The following UBTD2 variants were observed in gnomAD, a reference collection of about 807,000 sequenced individuals.
The protein encoded by UBTD2 is ubiquitin domain containing 2.
Under a neutral mutation model 19.8 loss-of-function variants are expected in UBTD2, and 9 were observed. That is an observed-to-expected ratio of 0.46 (90% CI 0.27 to 0.79). UBTD2 has a LOEUF of 0.79. Among genes scored for constraint, UBTD2 ranks in the 30% least tolerant of loss-of-function variants. UBTD2 has a pLI of 0.14. For synonymous variants in UBTD2, 98 were observed against 103.9 expected (o/e 0.94, Z 0.35); for missense variants, 250 against 300.4 (o/e 0.83, Z 1.24).
chr5:172,270,870 C>T (rs1755475659), intron 1 of UBTD2, among the ~76,000 whole-genome samples: 1 of 152,080 alleles, frequency 6.6e-6, no homozygotes, highest in Non-Finnish European at 1.5e-5. Context: ...GGGAATTAGT[C>T]TGTTAGAAGC....
intron 2 of UBTD2, among the ~76,000 whole-genome samples, chr5:172,216,900 AG>A (rs1771553785): frequency 6.6e-6 from 1 of 152,114 alleles, no homozygotes; most frequent in African/African-American, 2.4e-5. Flanking sequence ...CGGGAGGTCA[AG>A]GGTGCAGTGA....
Position 172,270,405 on chromosome 5 carries a change from CG to C in UBTD2, c.70+13190del, listed in dbSNP as rs1253904031. Among the ~76,000 whole-genome samples the C allele has an allele frequency of 1.4e-4, 20 of 140,370 alleles. 1 individual carries two copies. Among genetic ancestry groups the C allele is most frequent in the Non-Finnish European group, 2.7e-4 (18 of 66,128 alleles). 92.1% of individuals were successfully genotyped at this position (140,370 alleles called of 152,430 possible). On this transcript the variant is annotated intron_variant, in intron 1 of 2. Transcript: ENST00000393792. Reference sequence around the variant, plus strand: ...GGAGTTTCGCTCTTGTTGCCCAGGCCGGAGTGCAATGGTGCGATCTCGGCTC... The same window carrying C: ...GGAGTTTCGCTCTTGTTGCCCAGGCCGAGTGCAATGGTGCGATCTCGGCTC...
intron 1 of UBTD2, among the ~76,000 whole-genome samples, chr5:172,247,945 A>C (rs898142916): frequency 6.6e-6 from 1 of 152,216 alleles, no homozygotes; most frequent in African/African-American, 2.4e-5. Flanking sequence ...ACAAGTCTCA[A>C]TAAACTTTAA....
chr5:172,257,077 TTA>T (rs1239877400), intron 1 of UBTD2, among the ~76,000 whole-genome samples: 1 of 152,186 alleles, frequency 6.6e-6, no homozygotes, highest in Non-Finnish European at 1.5e-5. Context: ...GTACAAATTA[TTA>T]TGTCACCCAG....
chr5:172,212,250 T>A, intron 2 of UBTD2, 23 bp from the exon 3 acceptor site: 1 of 1,561,392 alleles, frequency 6.4e-7, no homozygotes, highest in South Asian at 1.2e-5. Flanking sequence ...AAGATATGAA[T>A]AAGAACTTAA....
chr5:172,256,303 C>T (rs2113083434), intron 1 of UBTD2, among the ~76,000 whole-genome samples: 1 of 152,250 alleles, frequency 6.6e-6, no homozygotes, highest in East Asian at 1.9e-4. Flanking sequence ...GCCCCCAACA[C>T]ACACACACCT....
chr5:172,276,280 T>C (rs1755601555), intron 1 of UBTD2, among the ~76,000 whole-genome samples: 1 of 152,198 alleles, frequency 6.6e-6, no homozygotes, highest in South Asian at 2.1e-4. Context: ...TGAATGATAT[T>C]TAGCAGTCAG....
intron 1 of UBTD2, among the ~76,000 whole-genome samples, chr5:172,272,728 G>A (rs1448671541): frequency 1.3e-5 from 2 of 152,166 alleles, no homozygotes; most frequent in Non-Finnish European, 2.9e-5. Flanking sequence ...TACTGCCAAA[G>A]CTTTGCATAT....
chr5:172,255,623 C>T (rs997578981), intron 1 of UBTD2, among the ~76,000 whole-genome samples: 5 of 152,112 alleles, frequency 3.3e-5, no homozygotes, highest in African/African-American at 4.8e-5. Context: ...GCTCTCCCTG[C>T]GTTCCGGCTG....
rs772648011 is a variant in UBTD2, at chr5:172,234,230, G to A, written c.199C>T (p.Arg67Trp). The A allele has an allele frequency of 9.9e-6, 16 of 1,613,944 alleles. No individual in the cohort carries two copies. Among genetic ancestry groups the A allele is most frequent in the Non-Finnish European group, 1.2e-5 (14 of 1,180,028 alleles). Residue 67 changes from arginine to tryptophan, a missense_variant, in exon 2 of 3, where the codon CGG (arginine) becomes TGG (tryptophan). Arg to Trp is a moderately radical substitution (Grantham distance 101, BLOSUM62 -3). Transcript: ENST00000393792. Reference sequence around the variant, plus strand: ...TTCAAGGCATCCCAAATCTCTTTCCGGCCTTCAAAAGCTGGTGCTGTATCC... The same window carrying A: ...TTCAAGGCATCCCAAATCTCTTTCCAGCCTTCAAAAGCTGGTGCTGTATCC... ...FWDTAPAFEG[R>W]KEIWDALKAA...
At chr5:172,222,878 C>A (rs144026082) in intron 2 of UBTD2, among the ~76,000 whole-genome samples, 1 of 152,132 alleles carries the variant, frequency 6.6e-6, no homozygotes, top group Non-Finnish European at 1.5e-5. Context: ...GTAAATTAAA[C>A]GTTCAACATT....
chr5:172,221,934 G>T (rs1771660233), intron 2 of UBTD2, among the ~76,000 whole-genome samples: 1 of 152,106 alleles, frequency 6.6e-6, no homozygotes, highest in South Asian at 2.1e-4. Flanking sequence ...ACTGGGGGAG[G>T]CTATGCATGT....
At chr5:172,277,017 C>T (rs908182947) in intron 1 of UBTD2, among the ~76,000 whole-genome samples, 3 of 130,034 alleles carry the variant, frequency 2.3e-5, no homozygotes, top group Admixed American at 9.7e-5. Context: ...TGCAGTCAGC[C>T]GAGATCATGC....
intron 1 of UBTD2, chr5:172,254,708 T>G: frequency 2.8e-6 from 1 of 358,146 alleles, no homozygotes; most frequent in Admixed American, 4.0e-5. Context: ...GACCAAAGGG[T>G]GATTCTCTTG....
intron 2 of UBTD2, 37 bp from the exon 3 acceptor site, chr5:172,212,264 T>C (rs1184918631): frequency 1.9e-6 from 3 of 1,540,040 alleles, no homozygotes; most frequent in African/African-American, 1.4e-5. Context: ...AACTTAATCC[T>C]TAATGAATGC....
chr5:172,233,823 T>TGGGGGGGGGGGGGGGGGGGGGGG (rs1771954852), intron 2 of UBTD2, among the ~76,000 whole-genome samples: 1 of 45,064 alleles, frequency 2.2e-5, no homozygotes, highest in Non-Finnish European at 4.5e-5. Flanking sequence ...GGTGGGAGGG[T>TGGGGGGGGGGGGGGGGGGGGGGG]GGAGGGAAGA....
chr5:172,275,193 G>C (rs1755582746), intron 1 of UBTD2, among the ~76,000 whole-genome samples: 2 of 152,210 alleles, frequency 1.3e-5, no homozygotes, highest in Non-Finnish European at 2.9e-5. Context: ...AAGAAGTGCC[G>C]AGCAAAAGCG....
intron 2 of UBTD2, 134 bp downstream of exon 2, chr5:172,233,988 T>C: frequency 2.4e-6 from 2 of 826,460 alleles, no homozygotes; most frequent in South Asian, 3.4e-5. Context: ...AAAAGAGGAA[T>C]GCTATTCCTT....
intron 2 of UBTD2, among the ~76,000 whole-genome samples, chr5:172,227,372 A>G (rs1771790958): frequency 6.6e-6 from 1 of 152,168 alleles, no homozygotes; most frequent in Admixed American, 6.5e-5. Context: ...AAAATGATAT[A>G]ACATTTATTT....
Sources: gnomAD v4.1 joint callset for allele counts (sites outside exome capture counted in the v4.1 genomes callset) on GRCh38, gnomAD v4.1.1 for gene constraint, MANE v1.5 for transcripts, NCBI Gene and HGNC (gene_info 2026-07-23, HGNC 2026-07-21) for gene names.